The following CMC2 variants were observed in gnomAD, a reference collection of about 807,000 sequenced individuals.
CMC2 encodes COX assembly mitochondrial protein 2 homolog.
A neutral mutation model predicts 7.5 loss-of-function variants in CMC2; 5 were observed. That is an observed-to-expected ratio of 0.66 (90% CI 0.35 to 1.40). The LOEUF (loss-of-function observed/expected upper bound fraction) is 1.40, where lower values mean the gene tolerates loss of function less well. CMC2 is among the 40% of genes most tolerant of loss of function. The pLI is 0.04. For missense variants in CMC2, 115 were observed against 92.3 expected (o/e 1.25, Z -1.01); for synonymous variants, 37 against 31.4 (o/e 1.18, Z -0.60).
chr16:81,001,209 G>GTTAC (rs1275417921), intron 1 of CMC2: 1 of 152,136 alleles, frequency 6.6e-6, no homozygotes, highest in African/African-American at 2.4e-5. Flanking sequence ...TAGAAGGAGG[G>GTTAC]TAAGGGCTGA....
At position 80,968,162 on chromosome 16, in the gene CMC2, T is replaced by C. The variant is rs1037616781; in HGVS notation, c.*7931A>G. The C allele has an allele frequency of 1.3e-5, 2 of 152,190 alleles. No individual in the cohort carries two copies. The highest frequency in any genetic ancestry group is 4.8e-5 in the African/African-American group (2 of 41,444). The allele number at this position is 152,190 out of a possible 1,614,324, so 9.4% of individuals were successfully genotyped here. A position where few individuals can be genotyped will look rare whatever the true frequency, so the allele number is the denominator to read the frequency against. ...CCAATTTTTATATGCATGCAAATCATCTGGGGATTTCATTAAAATGCAGAT... is the reference window on the plus strand; with the variant it reads ...CCAATTTTTATATGCATGCAAATCACCTGGGGATTTCATTAAAATGCAGAT... On this transcript the variant is annotated 3_prime_UTR_variant, in exon 4 of 4. Coordinates refer to ENST00000219400, the MANE Select transcript of CMC2 (RefSeq NM_020188.5).
intron 1 of CMC2, among the ~76,000 whole-genome samples, chr16:81,002,813 G>A (rs367801151): frequency 6.6e-6 from 1 of 152,138 alleles, no homozygotes; most frequent in Non-Finnish European, 1.5e-5. Flanking sequence ...AATAATAATT[G>A]TATATATTTA....
chr16:80,988,651 A>C, intron 2 of CMC2: 1 of 696,010 alleles, frequency 1.4e-6, no homozygotes, highest in Non-Finnish European at 2.6e-6. Flanking sequence ...AAAATTAGGA[A>C]ATTAACATTA....
intron 1 of CMC2, among the ~76,000 whole-genome samples, chr16:81,001,861 CA>C (rs1301034725): frequency 1.3e-5 from 2 of 151,788 alleles, no homozygotes; most frequent in African/African-American, 4.8e-5. Context: ...CACACACACA[CA>C]CACCACAGCT....
Position 80,988,444 on chromosome 16 carries a change from G to T in CMC2, c.82-6567C>A. 3 of 653,466 alleles carry T rather than the reference G, an allele frequency of 4.6e-6. No individual in the cohort carries two copies. In the South Asian group the frequency reaches 5.0e-5, roughly 11 times the overall value. 40.5% of individuals were successfully genotyped at this position (653,466 alleles called of 1,614,324 possible). A position where few individuals can be genotyped will look rare whatever the true frequency, so the allele number is the denominator to read the frequency against. On this transcript the variant is annotated intron_variant, in intron 2 of 3. Coordinates refer to ENST00000219400, the MANE Select transcript of CMC2 (RefSeq NM_020188.5). ...ACAGCAGATGTCTTTAAAAACATTT[G>T]TCAATTTCAAACTTGAAGAAAAGTT...
At chr16:81,005,255 T>C (rs898739742) in intron 1 of CMC2, among the ~76,000 whole-genome samples, 1 of 152,148 alleles carries the variant, frequency 6.6e-6, no homozygotes, top group African/African-American at 2.4e-5. Flanking sequence ...TCCCCGTCTC[T>C]ACTAAAAATA....
At chr16:80,979,059 T>A (rs576234968) in intron 3 of CMC2, among the ~76,000 whole-genome samples, 2 of 150,986 alleles carry the variant, frequency 1.3e-5, no homozygotes, top group South Asian at 2.1e-4. Flanking sequence ...CCAGCCTGGG[T>A]GACAGAGTGA....
At chr16:81,006,133 C>A (rs1024688998) in intron 1 of CMC2, among the ~76,000 whole-genome samples, 1 of 151,952 alleles carries the variant, frequency 6.6e-6, no homozygotes, top group African/African-American at 2.4e-5. Flanking sequence ...TAAGACTCTA[C>A]GTAAAACGCC....
chr16:80,986,829 A>G (rs1043806774), intron 2 of CMC2, among the ~76,000 whole-genome samples: 2 of 152,258 alleles, frequency 1.3e-5, no homozygotes, highest in South Asian at 2.1e-4. Flanking sequence ...AGTTAAGTCC[A>G]CTATCTAGCT....
intron 1 of CMC2, among the ~76,000 whole-genome samples, chr16:81,004,758 TTGTC>T (rs1969124986): frequency 6.6e-6 from 1 of 152,198 alleles, no homozygotes; most frequent in South Asian, 2.1e-4. Flanking sequence ...CCTTCAATCT[TTGTC>T]TACTGACTCT....
chr16:81,005,579 C>CACTTACCACAGCG (rs1969229799), intron 1 of CMC2, among the ~76,000 whole-genome samples: 1 of 74,672 alleles, frequency 1.3e-5, no homozygotes, highest in African/African-American at 3.4e-5. Flanking sequence ...TGCCCACTTC[C>CACTTACCACAGCG]ACTTATCACA....
At chr16:80,995,346 G>A (rs1968325138) in intron 2 of CMC2, among the ~76,000 whole-genome samples, 1 of 152,072 alleles carries the variant, frequency 6.6e-6, no homozygotes, top group African/African-American at 2.4e-5. Flanking sequence ...AACATATCAT[G>A]GTGCAAAATA....
chr16:81,005,814 A>G (rs923950229), intron 1 of CMC2, among the ~76,000 whole-genome samples: 3 of 152,350 alleles, frequency 2.0e-5, no homozygotes, highest in African/African-American at 2.4e-5. Context: ...GAATCATGTG[A>G]ATTTCAGAGG....
In CMC2 at chr16:80,971,567, TA is replaced by T. The variant is rs1567498805; in HGVS notation, c.*4525del. ...TGGATACTGACATACATACATTTTA[TA>T]TATATATATATATATATGTATGAAA... On this transcript the variant is annotated 3_prime_UTR_variant, in exon 4 of 4. Transcript: ENST00000219400. The T allele has an allele frequency of 8.5e-5, 10 of 118,302 alleles. No homozygotes were observed. Among genetic ancestry groups the T allele is most frequent in the African/African-American group, 4.6e-4 (10 of 21,828 alleles). 7.3% of individuals were successfully genotyped at this position (118,302 alleles called of 1,614,324 possible). A position where few individuals can be genotyped will look rare whatever the true frequency, so the allele number is the denominator to read the frequency against.
chr16:80,996,732 A>C (rs908355427), intron 2 of CMC2, among the ~76,000 whole-genome samples: 11 of 152,234 alleles, frequency 7.2e-5, no homozygotes, highest in Non-Finnish European at 8.8e-5. Context: ...CAAACATATA[A>C]GGAAAAGCTA....
At chr16:80,997,686 C>T (rs1012496473) in intron 1 of CMC2, 2 of 234,882 alleles carry the variant, frequency 8.5e-6, no homozygotes, top group Non-Finnish European at 1.6e-5. Flanking sequence ...GACCCAATCC[C>T]GGAAATAAGC....
chr16:80,986,673 A>G (rs1437314271), intron 2 of CMC2, among the ~76,000 whole-genome samples: 1 of 152,266 alleles, frequency 6.6e-6, no homozygotes, highest in Non-Finnish European at 1.5e-5. Flanking sequence ...CAGAGAACAC[A>G]CAGCCCTGGT....
In CMC2 at chr16:80,967,638, C is replaced by G. The variant is rs1911647903; in HGVS notation, c.*8455G>C. The G allele has an allele frequency of 6.6e-6, 1 of 152,256 alleles. No homozygotes were observed. 9.4% of individuals were successfully genotyped at this position (152,256 alleles called of 1,614,324 possible). A position where few individuals can be genotyped will look rare whatever the true frequency, so the allele number is the denominator to read the frequency against. On this transcript the variant is annotated 3_prime_UTR_variant, in exon 4 of 4. Transcript: ENST00000219400. Reference sequence around the variant, plus strand: ...ACAGGCGTGAGCCACCTCGCCCAGCCTTCCTCGTACTTTTCAATATTTGTA... The same window carrying G: ...ACAGGCGTGAGCCACCTCGCCCAGCGTTCCTCGTACTTTTCAATATTTGTA...
intron 2 of CMC2, among the ~76,000 whole-genome samples, chr16:80,993,371 C>T (rs1435501222): frequency 3.3e-5 from 5 of 152,040 alleles, no homozygotes; most frequent in Admixed American, 1.3e-4. Context: ...GTAGTTTCAC[C>T]GAGCAGAGGA....
Sources: allele counts gnomAD v4.1 joint callset (sites outside exome capture counted in the v4.1 genomes callset), GRCh38; gene constraint gnomAD v4.1.1; transcripts MANE v1.5; gene names NCBI Gene and HGNC (gene_info 2026-07-23, HGNC 2026-07-21).